SLIT1: variants seen among roughly 807,000 people sequenced by gnomAD.
SLIT1 encodes the protein slit homolog 1 protein.
In SLIT1, 66 loss-of-function variants were observed where a neutral mutation model predicts 186.1. The observed-to-expected ratio is 0.35, with a 90% CI of 0.29 to 0.44. SLIT1 has a LOEUF of 0.44. SLIT1 is among the 20% of genes least tolerant of loss of function. SLIT1 has a pLI of 1.00. For missense variants in SLIT1, 1,638 were observed against 2,037.4 expected, an observed-to-expected ratio of 0.80 and a Z score of 3.77; for synonymous variants, 761 against 833.8, an observed-to-expected ratio of 0.91 and a Z score of 1.50.
At position 97,071,668 on chromosome 10, in the gene SLIT1, C is replaced by T. The variant is rs117138820; in HGVS notation, c.414-5582G>A. Among the ~76,000 whole-genome samples, 46 of 152,212 alleles carry T rather than the reference C, an allele frequency of 3.0e-4. No individual in the cohort carries two copies. In the East Asian group the frequency reaches 8.7e-3, roughly 29 times the overall value. ...TGACCACATGCCAGGCTGGGCTGAG[C>T]GGGGCTCTGAGCTTTCTCACTGAAA... On this transcript the variant is annotated intron_variant, in intron 4 of 36. Coordinates refer to ENST00000266058, the MANE Select transcript of SLIT1 (RefSeq NM_003061.3).
chr10:97,035,161 C>T (rs1370562890), intron 22 of SLIT1, among the ~76,000 whole-genome samples: 3 of 152,190 alleles, frequency 2.0e-5, no homozygotes, highest in African/African-American at 4.8e-5. Context: ...CGCTTTCCTC[C>T]GCTCCCGACT....
At chr10:97,057,595 G>A (rs1589377522) in intron 11 of SLIT1, 2 of 365,644 alleles carry the variant, frequency 5.5e-6, no homozygotes, top group East Asian at 1.0e-4. Context: ...CACTTCCTGG[G>A]AAATTCATCT....
chr10:97,122,846 G>A (rs775339726), intron 4 of SLIT1, among the ~76,000 whole-genome samples: 25 of 151,812 alleles, frequency 1.6e-4, no homozygotes, highest in Admixed American at 9.9e-4. Flanking sequence ...GAGTTCTTCA[G>A]ACAGACTCCA....
rs1044080347 is a variant in SLIT1, at chr10:97,068,797, A to G, written c.414-2711T>C. Among the ~76,000 whole-genome samples, 3 of 152,136 alleles carry G rather than the reference A, an allele frequency of 2.0e-5. No individual in the cohort carries two copies. On this transcript the variant is annotated intron_variant, in intron 4 of 36. Transcript: ENST00000266058. This position sits in a 1 kb window ranked among gnomAD's most constrained non-coding sequence, Gnocchi z 4.2. ...CAGTGTAGTCTGTCAGTATTCCTGG[A>G]GACATTCCCCAGATTCCGCCCATTT...
intron 4 of SLIT1, among the ~76,000 whole-genome samples, chr10:97,149,812 T>C (rs1849856383): frequency 2.0e-5 from 3 of 152,190 alleles, no homozygotes; most frequent in Non-Finnish European, 4.4e-5. Flanking sequence ...ACTAGGCTGA[T>C]GTTAAAAGGT....
At chr10:97,131,288 A>T (rs890879506) in intron 4 of SLIT1, among the ~76,000 whole-genome samples, 1 of 152,176 alleles carries the variant, frequency 6.6e-6, no homozygotes, top group Non-Finnish European at 1.5e-5. Flanking sequence ...CTCACCACAC[A>T]CACTGTCATC....
rs11292804 is a variant in SLIT1, at chr10:97,021,558, C to CT, written c.2583-146dup. The CT allele has an allele frequency of 0.07, 33,004 of 470,450 alleles. No homozygotes were observed. Among genetic ancestry groups the CT allele is most frequent in the South Asian group, 0.089 (2,085 of 23,378 alleles). 29.1% of individuals were successfully genotyped at this position (470,450 alleles called of 1,614,324 possible). ...AGCATTTACTGTATAGTCAGTGCTG[C>CT]TTTTTTTTTTTTTTCTTTTTTTGAG... On this transcript the variant is annotated intron_variant, in intron 25 of 36. Transcript: ENST00000266058. The surrounding 1 kb of genome is among the most constrained non-coding windows in gnomAD (Gnocchi z 4.5).
intron 13 of SLIT1, among the ~76,000 whole-genome samples, chr10:97,051,398 T>C (rs1848785138): frequency 6.6e-6 from 1 of 152,018 alleles, no homozygotes. Flanking sequence ...TGAGAGAAAT[T>C]TGGAGCCTTC....
At chr10:97,141,737 G>GTATCA (rs1564686511) in intron 4 of SLIT1, among the ~76,000 whole-genome samples, 3 of 141,000 alleles carry the variant, frequency 2.1e-5, no homozygotes, top group South Asian at 2.2e-4. Flanking sequence ...GTACTGTATT[G>GTATCA]TATCGTATCG....
chr10:97,032,769 G>C (rs930341264), intron 23 of SLIT1, among the ~76,000 whole-genome samples: 14 of 152,130 alleles, frequency 9.2e-5, no homozygotes, highest in African/African-American at 3.4e-4. Flanking sequence ...CAGACGAATG[G>C]ATGAGCAAAC....
intron 3 of SLIT1, among the ~76,000 whole-genome samples, chr10:97,161,503 A>C (rs992774718): frequency 3.3e-5 from 5 of 152,210 alleles, no homozygotes; most frequent in African/African-American, 1.2e-4. Context: ...AGAGCCAGGC[A>C]TGGTGGCTCA....
At chr10:97,150,642 C>T (rs1589412195) in intron 4 of SLIT1, among the ~76,000 whole-genome samples, 1 of 148,674 alleles carries the variant, frequency 6.7e-6, no homozygotes, top group African/African-American at 2.5e-5. Flanking sequence ...TGTTGGGACA[C>T]ATATTGGTTT....
rs751459180 is a variant in SLIT1, at chr10:97,002,785, G to A, written c.4073C>T (p.Pro1358Leu). The A allele has an allele frequency of 6.8e-6, 11 of 1,613,728 alleles. No homozygotes were observed. The highest frequency in any genetic ancestry group is 9.3e-6 in the Non-Finnish European group (11 of 1,179,918). The change falls in exon 35 of 37, where the codon CCA becomes CTA. Residue 1358 changes from proline (P) to leucine (L), a missense_variant. Coordinates refer to ENST00000266058, the MANE Select transcript of SLIT1 (RefSeq NM_003061.3). ...LHGICQPNAT[P>L]GPMCHCEAGW... Reference sequence around the variant, plus strand: ...AGCCTCGCAGTGGCACATGGGCCCTGGGGTGGCATTGGGCTGGCAGATGCC... The same window carrying A: ...AGCCTCGCAGTGGCACATGGGCCCTAGGGTGGCATTGGGCTGGCAGATGCC...
intron 1 of SLIT1, among the ~76,000 whole-genome samples, chr10:97,170,009 G>A (rs896714887): frequency 1.3e-5 from 2 of 152,236 alleles, no homozygotes; most frequent in South Asian, 2.1e-4. Context: ...CCCTCACCTC[G>A]AGTGGCCATG....
intron 18 of SLIT1, 121 bp downstream of exon 18, chr10:97,046,533 T>TCC: frequency 1.0e-6 from 1 of 991,688 alleles, no homozygotes; most frequent in Non-Finnish European, 1.4e-6. Flanking sequence ...TCCTCAGTTC[T>TCC]CCCCACCCTC....
Position 97,001,309 on chromosome 10 carries a change from C to T in SLIT1, c.4408G>A (p.Val1470Ile). ...TGGCAGATGGCATAGCCCCTCTGGA[C>T]CTGGTGAAAGTCCCGGACAGGGTCC... ...RGDPVRDFHQ[V>I]QRGYAICQTT... Residue 1470 changes from valine to isoleucine, a missense_variant, in exon 37 of 37, where the codon GTC becomes ATC. Physicochemically the swap from Val to Ile is conservative, Grantham distance 29. Transcript: ENST00000266058. 1.2e-6 allele frequency: 2 copies of T among 1,613,198 alleles called. No individual in the cohort carries two copies. The highest frequency in any genetic ancestry group is 8.5e-7 in the Non-Finnish European group (1 of 1,179,996).
At chr10:97,041,200 G>C (rs1205977158) in intron 20 of SLIT1, among the ~76,000 whole-genome samples, 1 of 152,212 alleles carries the variant, frequency 6.6e-6, no homozygotes, top group Admixed American at 6.5e-5. Flanking sequence ...GAGCATCTAC[G>C]AGGGTGCTCC....
chr10:97,100,593 T>A lies in SLIT1; in HGVS notation c.414-34507A>T, dbSNP rs151264447. Among the ~76,000 whole-genome samples, 7 of 150,116 alleles carry A rather than the reference T, an allele frequency of 4.7e-5. No individual in the cohort carries two copies. The East Asian group carries it at 1.4e-3, about 30-fold the overall frequency. ...AGAGGCTGCAGTGAGCCAAGTCGCA[T>A]CACTGCACTACAGCCTGGGCAACAG... On this transcript the variant is annotated intron_variant, in intron 4 of 36. Coordinates refer to ENST00000266058, the MANE Select transcript of SLIT1 (RefSeq NM_003061.3).
chr10:97,144,342 T>C (rs1414537484), intron 4 of SLIT1, among the ~76,000 whole-genome samples: 1 of 152,198 alleles, frequency 6.6e-6, no homozygotes, highest in African/African-American at 2.4e-5. Context: ...TTCTAATTCA[T>C]GTTAATATTC....
Sources: gnomAD v4.1 joint callset for allele counts (sites outside exome capture counted in the v4.1 genomes callset) on GRCh38, gnomAD v4.1.1 for gene constraint, Gnocchi (gnomAD v3.1) non-coding constraint, MANE v1.5 for transcripts, NCBI Gene and HGNC (gene_info 2026-07-23, HGNC 2026-07-21) for gene names.